Variants in TMCC1 observed in about 807,000 individuals in gnomAD.
The protein encoded by TMCC1 is transmembrane and coiled-coil domains protein 1.
In TMCC1, 15 loss-of-function variants were observed where a neutral mutation model predicts 52.4. That is an observed-to-expected ratio of 0.29 (90% confidence interval 0.19 to 0.44). TMCC1 has a LOEUF of 0.44. Ranked by LOEUF, TMCC1 falls within the 20% of genes least tolerant of loss-of-function variation. The probability of loss-of-function intolerance (pLI) is 1.00; values close to 1 mark genes in which losing one functional copy is unlikely to be tolerated. For synonymous variants in TMCC1, 279 were observed against 301.9 expected (o/e 0.92, Z 0.79); for missense variants, 503 against 806.0 (o/e 0.62, Z 4.55).
chr3:129,773,999 C>CA (rs1463692054), intron 4 of TMCC1, among the ~76,000 whole-genome samples: 1 of 151,816 alleles, frequency 6.6e-6, no homozygotes, highest in Non-Finnish European at 1.5e-5. Context: ...AAATGAAATA[C>CA]AAAAAAAATT....
chr3:129,670,397 T>C lies in TMCC1; in HGVS notation c.1444A>G (p.Thr482Ala), dbSNP rs996316607. 5 of 1,614,106 alleles carry C rather than the reference T, an allele frequency of 3.1e-6. No individual in the cohort carries two copies. Among genetic ancestry groups the C allele is most frequent in the Middle Eastern group, 3.3e-4 (2 of 6,062 alleles). Residue 482 changes from threonine (T) to alanine (A), a missense_variant, in exon 5 of 7, where the codon ACT becomes GCT. By Grantham distance (58) the Thr-to-Ala change is moderately conservative. Coordinates refer to ENST00000393238, the MANE Select transcript of TMCC1 (RefSeq NM_001017395.5). ...TCCCTCTGATAATGTTCCTTGAGAG[T>C]CTCAAAGGATTCCTCTAGTCTGGCC... ...TQARLEESFE[T>A]LKEHYQRDYS...
chr3:129,802,301 T>C (rs2057240977), intron 4 of TMCC1, among the ~76,000 whole-genome samples: 1 of 152,228 alleles, frequency 6.6e-6, no homozygotes, highest in African/African-American at 2.4e-5. Context: ...TTCCCTTTTA[T>C]TTACACATTG....
intron 4 of TMCC1, among the ~76,000 whole-genome samples, chr3:129,687,914 A>C (rs2089523695): frequency 6.6e-6 from 1 of 152,234 alleles, no homozygotes; most frequent in Admixed American, 6.5e-5. Flanking sequence ...CAAAGAAAAG[A>C]AAAGAGGTTT....
At chr3:129,862,823 T>C (rs1371365621) in intron 2 of TMCC1, among the ~76,000 whole-genome samples, 2 of 152,240 alleles carry the variant, frequency 1.3e-5, no homozygotes, top group Non-Finnish European at 2.9e-5. Context: ...TGGAAAAATA[T>C]ACACATGCTG....
intron 5 of TMCC1, among the ~76,000 whole-genome samples, chr3:129,656,212 T>C (rs951345663): frequency 5.9e-5 from 9 of 152,186 alleles, no homozygotes; most frequent in African/African-American, 1.7e-4. Flanking sequence ...AGGAGAAAGG[T>C]TGAAGACTCC....
chr3:129,810,357 A>AC (rs2057739157), intron 4 of TMCC1, among the ~76,000 whole-genome samples: 1 of 151,924 alleles, frequency 6.6e-6, no homozygotes, highest in African/African-American at 2.4e-5. Context: ...CCCAAAAAAA[A>AC]CAAAACAAAA....
At chr3:129,885,745 T>C (rs758020712) in intron 1 of TMCC1, among the ~76,000 whole-genome samples, 26 of 151,914 alleles carry the variant, frequency 1.7e-4, no homozygotes, top group Admixed American at 3.9e-4. Context: ...ATAGGTTTTT[T>C]TGTTTGTTTG....
At chr3:129,747,225 G>A (rs1004377004) in intron 4 of TMCC1, among the ~76,000 whole-genome samples, 2 of 151,872 alleles carry the variant, frequency 1.3e-5, no homozygotes, top group African/African-American at 4.8e-5. Flanking sequence ...AACATTTTTT[G>A]CATCACAAAC....
chr3:129,864,247 A>T (rs2060523790), intron 2 of TMCC1, among the ~76,000 whole-genome samples: 1 of 152,204 alleles, frequency 6.6e-6, no homozygotes, highest in South Asian at 2.1e-4. Context: ...TTAAAGTTGG[A>T]CTAGGTCTGA....
rs1272834162 is a variant in TMCC1, at chr3:129,670,599, G to A, written c.1242C>T (p.Ser414=). 6.2e-7 allele frequency: 1 copy of A among 1,614,152 alleles called. No individual in the cohort carries two copies. The highest frequency in any genetic ancestry group is 1.1e-5 in the South Asian group (1 of 91,078). ...AATCTTCTTCACTACCATATTTTGG[G>A]CTAGACTGAAAGTTTGAAATCACTC... ...ALGVISNFQS[S]PKYGSEEDCS... The change falls in exon 5 of 7, where the codon AGC becomes AGT. Residue 414 remains serine, a synonymous_variant. Coordinates refer to ENST00000393238, the MANE Select transcript of TMCC1 (RefSeq NM_001017395.5).
intron 1 of TMCC1, among the ~76,000 whole-genome samples, chr3:129,884,204 A>G (rs935948373): frequency 5.3e-5 from 8 of 152,226 alleles, no homozygotes; most frequent in Admixed American, 2.0e-4. Flanking sequence ...GAACTATACA[A>G]AAGAACAAAG....
intron 4 of TMCC1, among the ~76,000 whole-genome samples, chr3:129,784,409 A>T (rs928404284): frequency 6.6e-6 from 1 of 151,866 alleles, no homozygotes; most frequent in Non-Finnish European, 1.5e-5. Flanking sequence ...TACTAAAAAT[A>T]CAAAAAATTA....
intron 4 of TMCC1, among the ~76,000 whole-genome samples, chr3:129,719,653 C>T (rs1210904652): frequency 6.6e-6 from 1 of 152,186 alleles, no homozygotes; most frequent in Non-Finnish European, 1.5e-5. Flanking sequence ...CTGGTGTCTG[C>T]TGCAGAATTG....
Position 129,716,111 on chromosome 3 carries a change from C to T in TMCC1, c.577-44847G>A, listed in dbSNP as rs1400588544. 2.6e-5 allele frequency among the ~76,000 whole-genome samples: 4 copies of T among 151,896 alleles called. No homozygotes were observed. In the East Asian group the frequency reaches 7.7e-4, roughly 29 times the overall value. On this transcript the variant is annotated intron_variant, in intron 4 of 6. Coordinates refer to ENST00000393238, the MANE Select transcript of TMCC1 (RefSeq NM_001017395.5). ...CTATTTACAACAAAAAGGACACTGG[C>T]AATGAAACTCTCTCTGACCTGGAGA...
intron 4 of TMCC1, among the ~76,000 whole-genome samples, chr3:129,718,473 A>G (rs1181070498): frequency 6.6e-6 from 1 of 152,218 alleles, no homozygotes; most frequent in Non-Finnish European, 1.5e-5. Flanking sequence ...ATTATTTTTC[A>G]CTGTGTTTAG....
At chr3:129,724,478 C>T (rs1455683398) in intron 4 of TMCC1, among the ~76,000 whole-genome samples, 1 of 152,170 alleles carries the variant, frequency 6.6e-6, no homozygotes, top group Non-Finnish European at 1.5e-5. Context: ...CTGAAGAACC[C>T]CAAACCACCT....
At chr3:129,698,103 T>A (rs982146639) in intron 4 of TMCC1, among the ~76,000 whole-genome samples, 1 of 152,178 alleles carries the variant, frequency 6.6e-6, no homozygotes, top group African/African-American at 2.4e-5. Flanking sequence ...TGGTACCAAT[T>A]TACTATATTA....
intron 2 of TMCC1, among the ~76,000 whole-genome samples, chr3:129,843,303 C>T (rs2059508307): frequency 6.6e-6 from 1 of 151,734 alleles, no homozygotes; most frequent in South Asian, 2.1e-4. Context: ...GCCGAGATCG[C>T]ACCACTGCAC....
chr3:129,656,738 A>G (rs1345386861), intron 5 of TMCC1: 1 of 151,604 alleles, frequency 6.6e-6, no homozygotes, highest in Non-Finnish European at 1.5e-5. Context: ...TTATGCTGAA[A>G]CTCTTCCTGT....
Sources: gnomAD v4.1 joint callset for allele counts (sites outside exome capture counted in the v4.1 genomes callset) on GRCh38, gnomAD v4.1.1 for gene constraint, MANE v1.5 for transcripts, NCBI Gene and HGNC (gene_info 2026-07-23, HGNC 2026-07-21) for gene names.